FBXL17: variants seen among roughly 807,000 people sequenced by gnomAD.
The protein encoded by FBXL17 is F-box and leucine rich repeat protein 17.
FBXL17 carries 22 observed loss-of-function variants against 66.2 expected under a neutral mutation model. That is an observed-to-expected ratio of 0.33 (90% confidence interval 0.24 to 0.47). FBXL17 has a LOEUF of 0.47. FBXL17 is among the 20% of genes least tolerant of loss of function. FBXL17 has a pLI of 1.00. For missense variants in FBXL17, 878 were observed against 948.2 expected, an observed-to-expected ratio of 0.93 and a Z score of 0.97; for synonymous variants, 474 against 400.5, an observed-to-expected ratio of 1.18 and a Z score of -2.19.
chr5:107,917,690 G>T (rs528032656), intron 7 of FBXL17, among the ~76,000 whole-genome samples: 1 of 152,304 alleles, frequency 6.6e-6, no homozygotes, highest in African/African-American at 2.4e-5. Flanking sequence ...GTTCAGTGAA[G>T]ATTTAAAAGC....
chr5:108,086,996 G>T (rs1748999613), intron 6 of FBXL17, among the ~76,000 whole-genome samples: 1 of 152,124 alleles, frequency 6.6e-6, no homozygotes, highest in Non-Finnish European at 1.5e-5. Context: ...GCTACCAACA[G>T]AGAGGCCGGC....
chr5:108,296,745 T>C (rs1758363872), intron 4 of FBXL17, among the ~76,000 whole-genome samples: 1 of 151,748 alleles, frequency 6.6e-6, no homozygotes, highest in African/African-American at 2.4e-5. Context: ...TTTATTAATA[T>C]CTGTATTAAA....
chr5:108,014,345 A>G (rs1754297978), intron 7 of FBXL17, among the ~76,000 whole-genome samples: 1 of 152,174 alleles, frequency 6.6e-6, no homozygotes, highest in African/African-American at 2.4e-5. Flanking sequence ...ATGTACTTCA[A>G]AGGGTAAGAA....
chr5:108,381,637 G>T lies in FBXL17; in HGVS notation c.55C>A (p.Arg19Ser). 1 of 1,490,072 alleles carries T rather than the reference G, an allele frequency of 6.7e-7. No individual in the cohort carries two copies. The allele number at this position is 1,490,072 out of a possible 1,614,324, so 92.3% of individuals were successfully genotyped here. A position where few individuals can be genotyped will look rare whatever the true frequency, so the allele number is the denominator to read the frequency against. The change falls in exon 1 of 9, where the codon CGC becomes AGC. Residue 19 changes from arginine to serine, a missense_variant. By Grantham distance (110) the Arg-to-Ser change is moderately radical. Around this residue, in one of 4 missense-constraint regions of FBXL17, gnomAD observed 605 missense variants for 509.5 expected, o/e 1.19. Coordinates refer to ENST00000542267, the MANE Select transcript of FBXL17 (RefSeq NM_001163315.3). ...PRNRPSQKRP[R>S]CCSWCRRRRP... ...CGGCGGCGGCACCAACTGCAACAGC[G>T]AGGCCTCTTCTGGCTCGGGCGGTTA...
At chr5:108,041,118 T>C (rs886604998) in intron 6 of FBXL17, among the ~76,000 whole-genome samples, 2 of 152,218 alleles carry the variant, frequency 1.3e-5, no homozygotes, top group African/African-American at 2.4e-5. Context: ...CAGTGCTTTA[T>C]ATTCTTGAGT....
chr5:107,898,272 A>C (rs1399986677), intron 7 of FBXL17, among the ~76,000 whole-genome samples: 1 of 152,132 alleles, frequency 6.6e-6, no homozygotes, highest in Non-Finnish European at 1.5e-5. Context: ...AAAACAGACA[A>C]CAATTATGCT....
At chr5:108,010,962 A>G (rs1208296168) in intron 7 of FBXL17, among the ~76,000 whole-genome samples, 1 of 152,206 alleles carries the variant, frequency 6.6e-6, no homozygotes, top group Non-Finnish European at 1.5e-5. Context: ...ATATTTATCT[A>G]AAGTCCAGCT....
chr5:108,112,132 G>A (rs530851376), intron 6 of FBXL17, among the ~76,000 whole-genome samples: 292 of 152,332 alleles, frequency 1.9e-3, no homozygotes, highest in Non-Finnish European at 3.4e-3. Context: ...TGGGAAGAGT[G>A]CCAGAAAGGA....
At chr5:108,347,249 G>A (rs1243788663) in intron 4 of FBXL17, among the ~76,000 whole-genome samples, 1 of 152,086 alleles carries the variant, frequency 6.6e-6, no homozygotes, top group Non-Finnish European at 1.5e-5. Context: ...AATACTGCAG[G>A]CAACTGTAAT....
intron 6 of FBXL17, among the ~76,000 whole-genome samples, chr5:108,047,212 CG>C (rs147178117): frequency 1.3e-5 from 2 of 152,314 alleles, no homozygotes; most frequent in African/African-American, 4.8e-5. Flanking sequence ...GAGAGCCACA[CG>C]GGGCAGGGGA....
At chr5:108,109,553 T>C (rs1179023443) in intron 6 of FBXL17, among the ~76,000 whole-genome samples, 2 of 152,222 alleles carry the variant, frequency 1.3e-5, no homozygotes, top group African/African-American at 2.4e-5. Context: ...AATTTCCTTA[T>C]GAAAGCCCCT....
intron 6 of FBXL17, among the ~76,000 whole-genome samples, chr5:108,107,744 A>G (rs1326317745): frequency 3.3e-5 from 5 of 150,426 alleles, no homozygotes; most frequent in South Asian, 2.1e-4. Context: ...CCCGGGAGGC[A>G]GAGCTTGCAG....
intron 4 of FBXL17, among the ~76,000 whole-genome samples, chr5:108,269,356 T>C (rs1757172585): frequency 6.6e-6 from 1 of 152,066 alleles, no homozygotes; most frequent in Non-Finnish European, 1.5e-5. Flanking sequence ...GTTCAATCTT[T>C]AGTTTTAGAT....
intron 6 of FBXL17, among the ~76,000 whole-genome samples, chr5:108,178,727 C>T (rs752465862): frequency 5.9e-5 from 9 of 152,116 alleles, no homozygotes; most frequent in Non-Finnish European, 1.3e-4. Context: ...AGAGGCAAGG[C>T]GGTGCTGCTA....
intron 6 of FBXL17, among the ~76,000 whole-genome samples, chr5:108,087,911 G>A (rs1749033016): frequency 6.6e-6 from 1 of 152,124 alleles, no homozygotes; most frequent in Non-Finnish European, 1.5e-5. Context: ...TTTGAGCAAT[G>A]TATTTCTCAT....
At position 108,059,792 on chromosome 5, in the gene FBXL17, T is replaced by A. The variant is rs115003819; in HGVS notation, c.1746-38791A>T. Among the ~76,000 whole-genome samples the A allele has an allele frequency of 3.6e-3, 552 of 152,308 alleles. 5 individuals are homozygous for A. The highest frequency in any genetic ancestry group is 0.014 in the Middle Eastern group (4 of 294). On this transcript the variant is annotated intron_variant, in intron 6 of 8. Transcript: ENST00000542267. ...AATACACGTACAATTTTACAACTAC[T>A]GTATTAACAGGCATTTACAACACTC...
intron 4 of FBXL17, among the ~76,000 whole-genome samples, chr5:108,226,806 G>T (rs1386738880): frequency 2.0e-5 from 3 of 152,156 alleles, no homozygotes; most frequent in African/African-American, 4.8e-5. Context: ...TTCCAAGCAG[G>T]AGATCAGTCT....
In FBXL17 at chr5:108,191,391, T is replaced by C. The variant is rs553799305; in HGVS notation, c.1615-5144A>G. ...ATGCCACTAAACTGTACATTTTACA[T>C]GGTTAAAATAGCACATTCTATGTTA... On this transcript the variant is annotated intron_variant, in intron 5 of 8. Coordinates refer to ENST00000542267, the MANE Select transcript of FBXL17 (RefSeq NM_001163315.3). 2.6e-5 allele frequency among the ~76,000 whole-genome samples: 4 copies of C among 152,368 alleles called. No homozygotes were observed. The East Asian group carries it at 7.7e-4, about 29-fold the overall frequency.
At chr5:108,380,144 G>A (rs1011890962) in intron 1 of FBXL17, among the ~76,000 whole-genome samples, 7 of 152,086 alleles carry the variant, frequency 4.6e-5, no homozygotes, top group African/African-American at 1.7e-4. Flanking sequence ...CCCACAGCAC[G>A]GAGAAATCAG....
Sources: gnomAD v4.1 joint callset for allele counts (sites outside exome capture counted in the v4.1 genomes callset) on GRCh38, gnomAD v4.1.1 for gene constraint, gnomAD v4.1.1 regional missense constraint, MANE v1.5 for transcripts, NCBI Gene and HGNC (gene_info 2026-07-23, HGNC 2026-07-21) for gene names.